The following CCNJL variants were observed in gnomAD, a reference collection of about 807,000 sequenced individuals.
CCNJL encodes cyclin-J-like protein.
CCNJL carries 33 observed loss-of-function variants against 33.4 expected under a neutral mutation model. The ratio of observed to expected loss-of-function variants is 0.99; its 90% CI spans 0.75 to 1.32. The LOEUF is 1.32. Ranked by LOEUF, CCNJL falls within the 40% of genes most tolerant of loss-of-function variation. The pLI, the probability that CCNJL is intolerant of heterozygous loss-of-function variation, is 0.00. For synonymous variants in CCNJL, 227 were observed against 220.9 expected (o/e 1.03, Z -0.24); for missense variants, 512 against 499.7 (o/e 1.02, Z -0.23).
rs764078926 is a variant in CCNJL at position 160,311,927 on chromosome 5, G to T, written c.-4C>A. The T allele has an allele frequency of 1.2e-6, 2 of 1,613,816 alleles. No homozygotes were observed. The highest frequency in any genetic ancestry group is 1.3e-5 in the African/African-American group (1 of 74,934). ...CCCACCACGGCTCATCCATCATCGC[G>T]TACGCAGCGCCGCTATCCGAGGCTA... On this transcript the variant is annotated 5_prime_UTR_variant, in exon 2 of 6. Transcript: ENST00000257536.
In CCNJL at chr5:160,294,239, G is replaced by A. The variant is rs554407772; in HGVS notation, c.67-13501C>T. ...TCTCTCTGCCCCGATTGCTTCATAA[G>A]GCCCAAGGAAGCATTTTCCGTAAAG... On this transcript the variant is annotated intron_variant, in intron 2 of 5. Transcript: ENST00000257536. Among the ~76,000 whole-genome samples, 22 of 152,296 alleles carry A rather than the reference G, an allele frequency of 1.4e-4. No individual in the cohort carries two copies. The East Asian group carries it at 4.1e-3, about 28-fold the overall frequency.
At chr5:160,297,938 C>T (rs977881930) in intron 2 of CCNJL, among the ~76,000 whole-genome samples, 40 of 152,302 alleles carry the variant, frequency 2.6e-4, no homozygotes, top group Admixed American at 7.2e-4. Context: ...GCCTTCTCAC[C>T]TAGCTTGGTG....
chr5:160,324,896 G>A (rs1198646403), intron 1 of CCNJL, among the ~76,000 whole-genome samples: 1 of 138,680 alleles, frequency 7.2e-6, no homozygotes, highest in Non-Finnish European at 1.6e-5. Context: ...ATTTTGTGTT[G>A]GGCTTTTATG....
chr5:160,265,036 C>T (rs768899478), intron 3 of CCNJL, among the ~76,000 whole-genome samples: 35 of 152,258 alleles, frequency 2.3e-4, no homozygotes, highest in Non-Finnish European at 8.8e-5. Context: ...TTTAAAAAAG[C>T]CCGAAAACTT....
chr5:160,300,683 C>CT (rs200518927), intron 2 of CCNJL, among the ~76,000 whole-genome samples: 20 of 151,954 alleles, frequency 1.3e-4, no homozygotes, highest in African/African-American at 3.6e-4. Context: ...GGTTCCCACT[C>CT]TTTTTTTTAA....
intron 1 of CCNJL, among the ~76,000 whole-genome samples, chr5:160,333,128 T>TC (rs1282032112): frequency 2.0e-5 from 3 of 151,762 alleles, no homozygotes; most frequent in Admixed American, 6.6e-5. Flanking sequence ...CTACAAATTT[T>TC]TTTTTTTTTT....
upstream of CCNJL, among the ~76,000 whole-genome samples, chr5:160,316,184 G>T (rs1763377142): frequency 1.3e-5 from 2 of 152,114 alleles, no homozygotes; most frequent in Admixed American, 6.5e-5. Flanking sequence ...TAGCAGAGAA[G>T]GCTTCCTGTG....
At chr5:160,327,902 A>G (rs564211987) in intron 1 of CCNJL, among the ~76,000 whole-genome samples, 2 of 151,498 alleles carry the variant, frequency 1.3e-5, no homozygotes, top group African/African-American at 4.8e-5. Context: ...AATACAAAAA[A>G]GTAGTAAGTG....
chr5:160,264,542 CT>C (rs879715097), intron 3 of CCNJL, among the ~76,000 whole-genome samples: 279 of 144,190 alleles, frequency 1.9e-3, no homozygotes, highest in African/African-American at 2.6e-3. Flanking sequence ...TACAGACTGG[CT>C]TTTTTTTTTT....
At chr5:160,286,392 C>T (rs1357604169) in intron 2 of CCNJL, among the ~76,000 whole-genome samples, 1 of 152,164 alleles carries the variant, frequency 6.6e-6, no homozygotes, top group Non-Finnish European at 1.5e-5. Flanking sequence ...AATCCAAGCA[C>T]TGTGGGAGGC....
At chr5:160,256,035 T>C (rs558413645) in intron 4 of CCNJL, among the ~76,000 whole-genome samples, 11 of 152,246 alleles carry the variant, frequency 7.2e-5, no homozygotes, top group African/African-American at 2.2e-4. Flanking sequence ...ACTACAGGCA[T>C]GTACAAACAC....
chr5:160,306,270 C>CA (rs35956418), intron 2 of CCNJL, among the ~76,000 whole-genome samples: 17,107 of 68,612 alleles, frequency 0.25, 2,104 homozygotes, highest in Non-Finnish European at 0.29. Flanking sequence ...GACTCCGTCT[C>CA]AAAAAAAAAA....
chr5:160,255,271 C>G (rs1323526847), intron 5 of CCNJL: 2 of 211,240 alleles, frequency 9.5e-6, no homozygotes, highest in East Asian at 2.0e-4. Context: ...CGAGATCGTG[C>G]CATTGCACTC....
At chr5:160,295,318 T>C (rs1461649944) in intron 2 of CCNJL, among the ~76,000 whole-genome samples, 1 of 152,038 alleles carries the variant, frequency 6.6e-6, no homozygotes, top group Non-Finnish European at 1.5e-5. Context: ...TGAAACCCTG[T>C]CTCTACTAAA....
At chr5:160,312,615 G>C (rs1167966107), upstream of CCNJL, 1 of 151,512 alleles carries the variant, frequency 6.6e-6, no homozygotes, top group Non-Finnish European at 1.5e-5. Context: ...GCCGGGCCTC[G>C]CGCATGCGCT....
rs757875700 is a variant in CCNJL, at chr5:160,280,508, C to A, written c.280+17G>T. The A allele has an allele frequency of 6.2e-7, 1 of 1,603,702 alleles. No individual in the cohort carries two copies. Among genetic ancestry groups the A allele is most frequent in the Middle Eastern group, 2.0e-4 (1 of 5,110 alleles). On this transcript the variant is annotated intron_variant, in intron 3 of 5. Coordinates refer to ENST00000257536, the MANE Select transcript of CCNJL (RefSeq NM_001308173.3). ...GAGACCGCACAAGCGCGGAGGAAGA[C>A]GTAGGTTTTCGCTTACTTGCAAGCA...
chr5:160,283,442 G>A (rs1762307184), intron 2 of CCNJL, among the ~76,000 whole-genome samples: 1 of 152,166 alleles, frequency 6.6e-6, no homozygotes, highest in Non-Finnish European at 1.5e-5. Context: ...GTATAGCTCT[G>A]TGAATACACA....
In CCNJL at chr5:160,321,062, CTT is replaced by C. The variant is rs1561812860; in HGVS notation, n.207-5559_207-5558del. 4.9e-4 allele frequency among the ~76,000 whole-genome samples: 59 copies of C among 121,460 alleles called. 1 individual carries two copies. The highest frequency in any genetic ancestry group is 2.5e-3 in the African/African-American group (59 of 23,414). 79.7% of individuals were successfully genotyped at this position (121,460 alleles called of 152,430 possible). A position where few individuals can be genotyped will look rare whatever the true frequency, so the allele number is the denominator to read the frequency against. On this transcript the variant is annotated intron_variant and non_coding_transcript_variant, in intron 1 of 7. Transcript: ENST00000377503. ...TCTTTCTTTCTTTCTTTCTTTCTTT[CTT>C]TCTTTCTTTCTTTCTTTCTTTCTTT... is the stretch of plus-strand genomic sequence containing the variant.
intron 1 of CCNJL, among the ~76,000 whole-genome samples, chr5:160,329,261 A>G (rs1482441464): frequency 6.6e-6 from 1 of 152,190 alleles, no homozygotes; most frequent in Non-Finnish European, 1.5e-5. Context: ...CTAAACTTAG[A>G]AACAGGAGAG....
Sources: gnomAD v4.1 joint callset for allele counts (sites outside exome capture counted in the v4.1 genomes callset) on GRCh38, gnomAD v4.1.1 for gene constraint, MANE v1.5 for transcripts, NCBI Gene and HGNC (gene_info 2026-07-23, HGNC 2026-07-21) for gene names.